The following ADAMTSL1 variants were observed in gnomAD, a reference collection of about 807,000 sequenced individuals.
ADAMTSL1 encodes ADAMTS like 1, also known as ADAMTS-like protein 1.
ADAMTSL1 carries 126 observed loss-of-function variants against 201.8 expected under a neutral mutation model. The ratio of observed to expected loss-of-function variants is 0.62; its 90% CI spans 0.54 to 0.72. ADAMTSL1 has a LOEUF of 0.72. Among genes scored for constraint, ADAMTSL1 ranks in the 30% least tolerant of loss-of-function variants. ADAMTSL1 has a pLI of 0.00. For missense variants in ADAMTSL1, 2,679 were observed against 2,277.8 expected (o/e 1.18, Z -3.59); for synonymous variants, 1,121 against 903.4 (o/e 1.24, Z -4.32).
intron 2 of ADAMTSL1, among the ~76,000 whole-genome samples, chr9:18,406,298 T>TCTTTTCTTTTCTTTA (rs1818194656): frequency 2.2e-5 from 2 of 90,094 alleles, no homozygotes; most frequent in Non-Finnish European, 2.1e-5. Flanking sequence ...TTTTTTCTTT[T>TCTTTTCTTTTCTTTA]CTTTTCTTTT....
intron 1 of ADAMTSL1, among the ~76,000 whole-genome samples, chr9:18,024,919 C>T (rs561937660): frequency 6.6e-6 from 1 of 152,216 alleles, no homozygotes; most frequent in South Asian, 2.1e-4. Flanking sequence ...CACAGCCTTG[C>T]CAGCCTTTGT....
chr9:18,573,368 A>AT (rs1176815888), intron 3 of ADAMTSL1: 1 of 154,906 alleles, frequency 6.5e-6, no homozygotes, highest in Admixed American at 6.5e-5. Context: ...AATAGGGGCA[A>AT]TAACTCTGCA....
chr9:18,853,020 A>G (rs1291273512), intron 23 of ADAMTSL1, among the ~76,000 whole-genome samples: 2 of 152,130 alleles, frequency 1.3e-5, no homozygotes, highest in Non-Finnish European at 2.9e-5. Flanking sequence ...TTTGCTACAC[A>G]CTGAAATATA....
chr9:17,924,590 A>G (rs1425868942), intron 1 of ADAMTSL1, among the ~76,000 whole-genome samples: 1 of 149,874 alleles, frequency 6.7e-6, no homozygotes, highest in Admixed American at 6.7e-5. Context: ...CCTGAGAAAA[A>G]CAAGCAATGG....
chr9:18,806,009 A>G (rs1823093451), intron 20 of ADAMTSL1, among the ~76,000 whole-genome samples: 1 of 152,218 alleles, frequency 6.6e-6, no homozygotes, highest in South Asian at 2.1e-4. Flanking sequence ...CCAAACAGAG[A>G]ATCTAAGTCC....
At chr9:18,497,700 C>T (rs913250255) in intron 1 of ADAMTSL1, among the ~76,000 whole-genome samples, 8 of 152,188 alleles carry the variant, frequency 5.3e-5, no homozygotes, top group South Asian at 2.1e-4. Context: ...ATTCAATGGT[C>T]TGTCGAAAAT....
At chr9:18,770,092 G>T (rs1043294709) in intron 16 of ADAMTSL1, among the ~76,000 whole-genome samples, 1 of 152,132 alleles carries the variant, frequency 6.6e-6, no homozygotes, top group African/African-American at 2.4e-5. Flanking sequence ...TTCCAGGGGG[G>T]TCCTTAAGAA....
chr9:18,705,299 A>G (rs533940227), intron 13 of ADAMTSL1, among the ~76,000 whole-genome samples: 1 of 152,354 alleles, frequency 6.6e-6, no homozygotes, highest in African/African-American at 2.4e-5. Context: ...GGATCATGGA[A>G]AAATGAAAAA....
At chr9:18,633,282 G>A (rs1269834412) in intron 5 of ADAMTSL1, among the ~76,000 whole-genome samples, 1 of 152,136 alleles carries the variant, frequency 6.6e-6, no homozygotes, top group Non-Finnish European at 1.5e-5. Context: ...TTTATGCAAG[G>A]CGTTTAAAGC....
At chr9:18,244,734 C>T (rs1831192728) in intron 2 of ADAMTSL1, among the ~76,000 whole-genome samples, 1 of 152,162 alleles carries the variant, frequency 6.6e-6, no homozygotes, top group African/African-American at 2.4e-5. Context: ...AAATAGGATG[C>T]TGTGCACAAA....
chr9:18,003,395 G>A (rs913084137), intron 1 of ADAMTSL1, among the ~76,000 whole-genome samples: 1 of 152,054 alleles, frequency 6.6e-6, no homozygotes, highest in Non-Finnish European at 1.5e-5. Flanking sequence ...AATACCAAGT[G>A]CTCCATTTGT....
chr9:17,992,476 A>T (rs13298911), intron 1 of ADAMTSL1, among the ~76,000 whole-genome samples: 8,782 of 152,230 alleles, frequency 0.058, 283 homozygotes, highest in Middle Eastern at 0.12. Context: ...TTTCAGATGA[A>T]TGCTTGTACT....
chr9:18,222,331 CT>C (rs1830290748), intron 2 of ADAMTSL1, among the ~76,000 whole-genome samples: 1 of 151,604 alleles, frequency 6.6e-6, no homozygotes, highest in African/African-American at 2.4e-5. Flanking sequence ...TTATCTGTTA[CT>C]TTTTTGTTGC....
chr9:18,852,963 C>G (rs557470772), intron 23 of ADAMTSL1, among the ~76,000 whole-genome samples: 1 of 152,298 alleles, frequency 6.6e-6, no homozygotes, highest in Non-Finnish European at 1.5e-5. Flanking sequence ...TTCTGGACCA[C>G]TTGTGAAGCC....
intron 1 of ADAMTSL1, among the ~76,000 whole-genome samples, chr9:18,493,453 G>T (rs577176323): frequency 6.6e-6 from 1 of 152,084 alleles, no homozygotes; most frequent in African/African-American, 2.4e-5. Flanking sequence ...TCTAATCCCA[G>T]CACACTCATC....
intron 1 of ADAMTSL1, among the ~76,000 whole-genome samples, chr9:18,120,484 C>T (rs1372533456): frequency 1.3e-5 from 2 of 152,136 alleles, no homozygotes; most frequent in Non-Finnish European, 1.5e-5. Context: ...CCTACCACAG[C>T]CACATGGAAC....
intron 2 of ADAMTSL1, among the ~76,000 whole-genome samples, chr9:18,512,208 T>C (rs1307428070): frequency 6.6e-6 from 1 of 152,194 alleles, no homozygotes; most frequent in African/African-American, 2.4e-5. Context: ...CCAAGACTTC[T>C]AATATTTCAG....
At chr9:18,876,581 C>T (rs1828175594) in intron 23 of ADAMTSL1, among the ~76,000 whole-genome samples, 2 of 152,126 alleles carry the variant, frequency 1.3e-5, no homozygotes, top group African/African-American at 2.4e-5. Context: ...AGATAGGACC[C>T]CAATCACTTC....
intron 2 of ADAMTSL1, among the ~76,000 whole-genome samples, chr9:18,393,604 C>A (rs1205897103): frequency 6.6e-6 from 1 of 152,204 alleles, no homozygotes; most frequent in Non-Finnish European, 1.5e-5. Context: ...ATCCATTTCA[C>A]CCTAGTAACC....
Sources: allele counts gnomAD v4.1 joint callset (sites outside exome capture counted in the v4.1 genomes callset), GRCh38; gene constraint gnomAD v4.1.1; transcripts MANE v1.5; gene names NCBI Gene and HGNC (gene_info 2026-07-23, HGNC 2026-07-21).